Variants in PXYLP1 observed in about 807,000 individuals in gnomAD.
PXYLP1 encodes the protein 2-phosphoxylose phosphatase 1, also known as acid phosphatase-like 2.
Under a neutral mutation model 37.9 loss-of-function variants are expected in PXYLP1, and 17 were observed. The observed-to-expected ratio is 0.45, with a 90% CI of 0.31 to 0.67. The LOEUF is 0.67. Among genes scored for constraint, PXYLP1 ranks in the 30% least tolerant of loss-of-function variants. The pLI, the probability that PXYLP1 is intolerant of heterozygous loss-of-function variation, is 0.07. For synonymous variants in PXYLP1, 221 were observed against 232.2 expected (o/e 0.95, Z 0.44); for missense variants, 511 against 612.0 (o/e 0.84, Z 1.74).
intron 1 of PXYLP1, among the ~76,000 whole-genome samples, chr3:141,249,116 C>A (rs1019045068): frequency 6.6e-6 from 1 of 152,192 alleles, no homozygotes; most frequent in African/African-American, 2.4e-5. Flanking sequence ...CAGCCGTGTT[C>A]TCAGATTTAC....
chr3:141,240,794 C>T (rs1285043648), intron 1 of PXYLP1, among the ~76,000 whole-genome samples: 1 of 152,192 alleles, frequency 6.6e-6, no homozygotes, highest in Non-Finnish European at 1.5e-5. Context: ...CCCAGGAGAT[C>T]ATCTGTTCTG....
At chr3:141,273,985 C>T in intron 2 of PXYLP1, 1 of 985,870 alleles carries the variant, frequency 1.0e-6, no homozygotes, top group African/African-American at 1.7e-5. Flanking sequence ...TATCTGCCCA[C>T]TATTCTTTCT....
intron 2 of PXYLP1, chr3:141,262,846 C>A: frequency 1.4e-6 from 1 of 707,494 alleles, no homozygotes; most frequent in Non-Finnish European, 2.3e-6. Context: ...TCATAACGCA[C>A]AGGTTTCGCT....
At chr3:141,280,974 G>A (rs982040084) in intron 4 of PXYLP1, among the ~76,000 whole-genome samples, 9 of 152,270 alleles carry the variant, frequency 5.9e-5, no homozygotes, top group Non-Finnish European at 1.2e-4. Flanking sequence ...CTGCCTCTTT[G>A]TGAATGCCAT....
intron 2 of PXYLP1, chr3:141,262,393 T>A: frequency 2.0e-6 from 2 of 1,013,300 alleles, no homozygotes; most frequent in African/African-American, 1.7e-5. Flanking sequence ...AAATTTTCCA[T>A]CCTTTGGTTG....
At chr3:141,266,622 T>C (rs1941518989) in intron 2 of PXYLP1, among the ~76,000 whole-genome samples, 1 of 135,794 alleles carries the variant, frequency 7.4e-6, no homozygotes, top group South Asian at 2.4e-4. Context: ...GCCAGCTCTG[T>C]GTGTGTGAGA....
chr3:141,293,038 G>A lies in PXYLP1; in HGVS notation c.1276G>A (p.Val426Ile), dbSNP rs766328930. 1.2e-5 allele frequency: 19 copies of A among 1,614,060 alleles called. No homozygotes were observed. The East Asian group carries it at 2.9e-4, about 25-fold the overall frequency. ...EHSVRILYNG[V>I]DVTFHTSFCQ... Reference sequence around the variant, plus strand: ...TTCCGTCCGGATTCTTTACAATGGCGTCGATGTCACATTCCACACCTCTTT... The same window carrying A: ...TTCCGTCCGGATTCTTTACAATGGCATCGATGTCACATTCCACACCTCTTT... Residue 426 changes from valine to isoleucine, a missense_variant, in exon 6 of 6, where the codon GTC (valine) becomes ATC (isoleucine). By Grantham distance (29) the Val-to-Ile change is conservative. Transcript: ENST00000286353.
At position 141,255,887 on chromosome 3, in the gene PXYLP1, C is replaced by T. The variant is rs114977596; in HGVS notation, c.-53-4236C>T. On this transcript the variant is annotated intron_variant, in intron 1 of 5. Transcript: ENST00000286353. ...GGTACCTCATCCTCTTGGAGTGGGG[C>T]CCAACAGAAGCTGAGGCAGATGTTC... Among the ~76,000 whole-genome samples, 187 of 152,278 alleles carry T rather than the reference C, an allele frequency of 1.2e-3. 2 individuals are homozygous for T. The highest frequency in any genetic ancestry group is 4.4e-3 in the African/African-American group (183 of 41,568).
intron 2 of PXYLP1, 88 bp downstream of exon 2, chr3:141,260,342 T>C (rs1511378): frequency 0.78 from 1,129,357 of 1,447,100 alleles, 441,253 homozygotes; most frequent in South Asian, 0.86. Flanking sequence ...TATAAATGAA[T>C]GATGAGGCTG....
intron 1 of PXYLP1, among the ~76,000 whole-genome samples, chr3:141,245,606 GTCTTTGA>G (rs1406957468): frequency 1.3e-5 from 2 of 152,056 alleles, no homozygotes; most frequent in African/African-American, 4.8e-5. Context: ...GTTTATTTGT[GTCTTTGA>G]TCTTCAAAGA....
intron 2 of PXYLP1, among the ~76,000 whole-genome samples, chr3:141,268,199 GA>G: frequency 6.5e-5 from 2 of 30,908 alleles, no homozygotes; most frequent in African/African-American, 1.7e-4. Flanking sequence ...GAGAGAGAGA[GA>G]GAGAGAGTGT....
chr3:141,281,440 C>T (rs1171202410), intron 4 of PXYLP1, among the ~76,000 whole-genome samples: 4 of 152,178 alleles, frequency 2.6e-5, no homozygotes, highest in African/African-American at 9.7e-5. Flanking sequence ...CTGCCTCTGC[C>T]CTCAGGGAGC....
intron 1 of PXYLP1, among the ~76,000 whole-genome samples, chr3:141,255,349 T>A (rs1054932080): frequency 2.0e-5 from 3 of 152,230 alleles, no homozygotes; most frequent in Non-Finnish European, 2.9e-5. Context: ...ACAACTATTT[T>A]ATGTTCAGCC....
intron 5 of PXYLP1, 28 bp downstream of exon 5, chr3:141,287,481 G>T (rs773949231): frequency 1.2e-6 from 2 of 1,605,754 alleles, no homozygotes; most frequent in South Asian, 1.1e-5. Flanking sequence ...GCGCTCAGGG[G>T]TTCCCCCACC....
At chr3:141,248,731 A>G (rs1220473828) in intron 1 of PXYLP1, among the ~76,000 whole-genome samples, 22 of 35,904 alleles carry the variant, frequency 6.1e-4, no homozygotes, top group Non-Finnish European at 1.1e-3. Flanking sequence ...ATATACACAC[A>G]CGTGTATATA....
intron 2 of PXYLP1, chr3:141,274,265 G>A (rs370944882): frequency 1.1e-4 from 145 of 1,290,488 alleles, no homozygotes; most frequent in Non-Finnish European, 1.2e-4. Context: ...CCTGCAGCCC[G>A]GGGTCTGCTC....
intron 1 of PXYLP1, among the ~76,000 whole-genome samples, chr3:141,240,672 T>C (rs985167037): frequency 1.3e-5 from 2 of 152,056 alleles, no homozygotes; most frequent in Non-Finnish European, 2.9e-5. Context: ...CCCCCAAAAA[T>C]CAGGATTCTC....
At chr3:141,253,057 C>T (rs1470180267) in intron 1 of PXYLP1, among the ~76,000 whole-genome samples, 1 of 152,186 alleles carries the variant, frequency 6.6e-6, no homozygotes, top group East Asian at 1.9e-4. Flanking sequence ...GTGGGCCTGT[C>T]TTTCAAGCTG....
At chr3:141,274,241 C>T in intron 2 of PXYLP1, 1 of 1,229,230 alleles carries the variant, frequency 8.1e-7, no homozygotes, top group Admixed American at 3.6e-5. Flanking sequence ...AGCACAGCAC[C>T]AGGGCAGAGG....
Sources: gnomAD v4.1 joint callset for allele counts (sites outside exome capture counted in the v4.1 genomes callset) on GRCh38, gnomAD v4.1.1 for gene constraint, MANE v1.5 for transcripts, NCBI Gene and HGNC (gene_info 2026-07-23, HGNC 2026-07-21) for gene names.